SGCZ: variants seen among roughly 807,000 people sequenced by gnomAD.
SGCZ encodes zeta-sarcoglycan.
A neutral mutation model predicts 41.3 loss-of-function variants in SGCZ; 40 were observed. That is an observed-to-expected ratio of 0.97 (90% CI 0.75 to 1.26). The LOEUF (loss-of-function observed/expected upper bound fraction) is 1.26. Ranked by LOEUF, SGCZ falls within the 50% of genes most tolerant of loss-of-function variation. The pLI is 0.00. For missense variants in SGCZ, 552 were observed against 369.8 expected (o/e 1.49, Z -4.04); for synonymous variants, 206 against 137.5 (o/e 1.50, Z -3.49).
intron 1 of SGCZ, among the ~76,000 whole-genome samples, chr8:14,702,976 GA>G (rs1460727177): frequency 2.6e-5 from 4 of 151,412 alleles, no homozygotes; most frequent in Non-Finnish European, 5.9e-5. Context: ...TAGATAGACA[GA>G]CAGACAGACA....
At chr8:14,722,021 T>G (rs1809903133) in intron 1 of SGCZ, among the ~76,000 whole-genome samples, 1 of 152,196 alleles carries the variant, frequency 6.6e-6, no homozygotes, top group African/African-American at 2.4e-5. Context: ...TTCATTGTGA[T>G]CTTCTTTTGA....
At chr8:14,867,632 A>T (rs1304279985) in intron 1 of SGCZ, among the ~76,000 whole-genome samples, 1 of 152,010 alleles carries the variant, frequency 6.6e-6, no homozygotes, top group African/African-American at 2.4e-5. Context: ...TGACTGTTTA[A>T]TATGAGCCAT....
chr8:14,399,656 T>A (rs190094070), intron 2 of SGCZ, among the ~76,000 whole-genome samples: 6 of 152,254 alleles, frequency 3.9e-5, no homozygotes, highest in African/African-American at 1.2e-4. Context: ...TAATGAATAT[T>A]TGAAAAGAAG....
chr8:14,360,821 G>C (rs959541573), intron 2 of SGCZ, among the ~76,000 whole-genome samples: 11 of 152,086 alleles, frequency 7.2e-5, no homozygotes, highest in Non-Finnish European at 1.3e-4. Flanking sequence ...ATGCCGCAGA[G>C]TACAACTGCA....
intron 2 of SGCZ, among the ~76,000 whole-genome samples, chr8:14,410,974 A>G (rs1799344564): frequency 6.6e-6 from 1 of 152,174 alleles, no homozygotes; most frequent in Non-Finnish European, 1.5e-5. Context: ...AAAAATTTCA[A>G]TAGCAATTTT....
intron 2 of SGCZ, among the ~76,000 whole-genome samples, chr8:14,469,128 T>A (rs11203612): frequency 1.3e-4 from 19 of 151,928 alleles, no homozygotes; most frequent in African/African-American, 4.3e-4. Flanking sequence ...ACCCCTCCAC[T>A]TTTTGCTTCA....
chr8:14,382,980 G>A (rs1429312717), intron 2 of SGCZ, among the ~76,000 whole-genome samples: 1 of 152,088 alleles, frequency 6.6e-6, no homozygotes, highest in Non-Finnish European at 1.5e-5. Context: ...TCTGTCCCCT[G>A]AGAGAAAACA....
chr8:14,350,750 T>C (rs1480781509), intron 2 of SGCZ, among the ~76,000 whole-genome samples: 1 of 152,122 alleles, frequency 6.6e-6, no homozygotes, highest in Non-Finnish European at 1.5e-5. Flanking sequence ...TTGAAAGCCC[T>C]CTCTGTTAAT....
At chr8:14,748,327 A>G (rs1247196221) in intron 1 of SGCZ, among the ~76,000 whole-genome samples, 3 of 152,158 alleles carry the variant, frequency 2.0e-5, no homozygotes, top group Non-Finnish European at 2.9e-5. Context: ...TAACTATTAT[A>G]CTATCTCAAA....
chr8:14,443,216 G>A (rs1323710622), intron 2 of SGCZ, among the ~76,000 whole-genome samples: 6 of 152,078 alleles, frequency 3.9e-5, no homozygotes, highest in Admixed American at 3.9e-4. Context: ...AATCAATATT[G>A]TGAAAATGGC....
intron 2 of SGCZ, among the ~76,000 whole-genome samples, chr8:14,525,934 A>T (rs919235692): frequency 6.6e-6 from 1 of 152,070 alleles, no homozygotes; most frequent in Non-Finnish European, 1.5e-5. Context: ...TATAGTGAAC[A>T]TACAAGTGCC....
rs573727351 is a variant in SGCZ, at chr8:14,408,267, C to G, written c.235-84063G>C. Among the ~76,000 whole-genome samples the G allele has an allele frequency of 2.6e-5, 4 of 152,112 alleles. No individual in the cohort carries two copies. The East Asian group carries it at 7.7e-4, about 29-fold the overall frequency. On this transcript the variant is annotated intron_variant, in intron 2 of 7. Coordinates refer to ENST00000382080, the MANE Select transcript of SGCZ (RefSeq NM_139167.4). ...GCAGTTTTGGTCTTTGCAGAATCACCTGTCCAGACTGTTTGTTTAATCCAT... is the reference window on the plus strand; with the variant it reads ...GCAGTTTTGGTCTTTGCAGAATCACGTGTCCAGACTGTTTGTTTAATCCAT...
At chr8:14,394,102 G>T (rs7831260) in intron 2 of SGCZ, among the ~76,000 whole-genome samples, 24,923 of 148,674 alleles carry the variant, frequency 0.17, 4,947 homozygotes, top group African/African-American at 0.48. Context: ...GACTACTGCT[G>T]TGTCCTGAAC....
In SGCZ at chr8:14,995,533, T is replaced by C. The variant is rs187218178; in HGVS notation, c.39+242052A>G. 3.8e-3 allele frequency among the ~76,000 whole-genome samples: 577 copies of C among 152,222 alleles called. 3 individuals carry two copies. The highest frequency in any genetic ancestry group is 6.1e-3 in the Non-Finnish European group (415 of 68,006). The stretch of plus-strand genomic sequence containing the variant: ...CTAGAGAGCTGGTTAGTGAGATCAG[T>C]TTTGGGCATGTTAATTTTGGGGTTC... On this transcript the variant is annotated intron_variant, in intron 1 of 7. Coordinates refer to ENST00000382080, the MANE Select transcript of SGCZ (RefSeq NM_139167.4).
chr8:14,419,213 A>T (rs183121543), intron 2 of SGCZ, among the ~76,000 whole-genome samples: 2 of 152,070 alleles, frequency 1.3e-5, no homozygotes, highest in East Asian at 1.9e-4. Flanking sequence ...AAGAAAACTG[A>T]AAGTTAGGCA....
chr8:15,214,977 G>C (rs533081600), intron 1 of SGCZ, among the ~76,000 whole-genome samples: 1 of 152,102 alleles, frequency 6.6e-6, no homozygotes, highest in Non-Finnish European at 1.5e-5. Context: ...ACAATGTTAA[G>C]GTTGATATTC....
chr8:14,325,548 G>T (rs547043838), intron 2 of SGCZ, among the ~76,000 whole-genome samples: 1 of 143,432 alleles, frequency 7.0e-6, no homozygotes, highest in South Asian at 2.2e-4. Context: ...ATATATAATA[G>T]ATTATATATA....
intron 4 of SGCZ, among the ~76,000 whole-genome samples, chr8:14,221,626 T>C (rs1806197001): frequency 6.6e-6 from 1 of 152,156 alleles, no homozygotes; most frequent in Non-Finnish European, 1.5e-5. Flanking sequence ...CAGTTAGTTA[T>C]CATAGTTTAG....
intron 4 of SGCZ, among the ~76,000 whole-genome samples, chr8:14,204,414 G>T (rs1473630192): frequency 6.6e-6 from 1 of 152,036 alleles, no homozygotes; most frequent in Non-Finnish European, 1.5e-5. Context: ...AGCAGCTCAG[G>T]TCTACTATGG....
Sources: gnomAD v4.1 joint callset for allele counts (sites outside exome capture counted in the v4.1 genomes callset) on GRCh38, gnomAD v4.1.1 for gene constraint, MANE v1.5 for transcripts, NCBI Gene and HGNC (gene_info 2026-07-23, HGNC 2026-07-21) for gene names.